The following MAPK4 variants were observed in gnomAD, a reference collection of about 807,000 sequenced individuals.
MAPK4 encodes the protein mitogen-activated protein kinase 4.
In MAPK4, 22 loss-of-function variants were observed where a neutral mutation model predicts 47.7. That is an observed-to-expected ratio of 0.46 (90% CI 0.33 to 0.66). MAPK4 has a LOEUF of 0.66. Among genes scored for constraint, MAPK4 ranks in the 30% least tolerant of loss-of-function variants. The pLI is 0.02. For missense variants in MAPK4, 736 were observed against 831.7 expected, an observed-to-expected ratio of 0.88 and a Z score of 1.42; for synonymous variants, 390 against 365.7, an observed-to-expected ratio of 1.07 and a Z score of -0.76.
chr18:50,587,714 T>C (rs2042400852), intron 1 of MAPK4, among the ~76,000 whole-genome samples: 1 of 152,160 alleles, frequency 6.6e-6, no homozygotes, highest in African/African-American at 2.4e-5. Context: ...TCTGTCTAGA[T>C]GGTCGATGAT....
chr18:50,588,191 C>T (rs959556633), intron 1 of MAPK4, among the ~76,000 whole-genome samples: 4 of 152,128 alleles, frequency 2.6e-5, no homozygotes, highest in African/African-American at 4.8e-5. Flanking sequence ...CTGGGAAGGG[C>T]GATTCTTCCG....
chr18:50,725,049 C>A (rs1247565301), intron 4 of MAPK4, among the ~76,000 whole-genome samples: 1 of 152,192 alleles, frequency 6.6e-6, no homozygotes, highest in Non-Finnish European at 1.5e-5. Flanking sequence ...GTGTGCAGAG[C>A]TGCTATCTGC....
chr18:50,664,491 A>G lies in MAPK4; in HGVS notation c.533A>G (p.His178Arg). Reference protein sequence around the residue: ...DFGLARIVDQHYSHKGYLSEG... With the variant: ...DFGLARIVDQRYSHKGYLSEG... ...GGGTTGGCAAGGATCGTTGATCAGC[A>G]TTACTCCCACAAGGTATGTCTGGCT... Residue 178 changes from histidine (H) to arginine (R), a missense_variant, in exon 2 of 6, where the codon CAT (histidine) becomes CGT (arginine). Physicochemically the swap from His to Arg is conservative, Grantham distance 29. Around this residue, in one of 3 missense-constraint regions of MAPK4, gnomAD observed 327 missense variants for 395.4 expected, o/e 0.83. Coordinates refer to ENST00000400384, the MANE Select transcript of MAPK4 (RefSeq NM_002747.4). The surrounding 1 kb of genome is among the most constrained non-coding windows in gnomAD (Gnocchi z 6.0). The G allele has an allele frequency of 6.3e-7, 1 of 1,594,282 alleles. No homozygotes were observed. Among genetic ancestry groups the G allele is most frequent in the Non-Finnish European group, 8.6e-7 (1 of 1,167,168 alleles).
At chr18:50,613,416 A>AT (rs2042657426) in intron 1 of MAPK4, among the ~76,000 whole-genome samples, 2 of 152,168 alleles carry the variant, frequency 1.3e-5, no homozygotes, top group South Asian at 4.1e-4. Context: ...CAGGAAATAA[A>AT]TTCTGCCAAC....
At chr18:50,706,576 G>C (rs1910069931) in intron 2 of MAPK4, among the ~76,000 whole-genome samples, 1 of 152,076 alleles carries the variant, frequency 6.6e-6, no homozygotes, top group Non-Finnish European at 1.5e-5. Context: ...TCTATTTGTG[G>C]CTTGACAGTT....
intron 2 of MAPK4, chr18:50,669,254 G>A (rs1160972654): frequency 6.6e-6 from 1 of 152,252 alleles, no homozygotes; most frequent in African/African-American, 2.4e-5. Flanking sequence ...CTGAAGGATT[G>A]GAGTGTGCTT....
At chr18:50,601,807 A>G (rs1450291909) in intron 1 of MAPK4, among the ~76,000 whole-genome samples, 1 of 152,182 alleles carries the variant, frequency 6.6e-6, no homozygotes, top group Non-Finnish European at 1.5e-5. Flanking sequence ...GCTGTGGGTC[A>G]CTGGGCACAT....
intron 1 of MAPK4, among the ~76,000 whole-genome samples, chr18:50,636,708 A>C (rs1293291075): frequency 6.6e-6 from 1 of 152,148 alleles, no homozygotes; most frequent in African/African-American, 2.4e-5. Flanking sequence ...TCTCCCCTGA[A>C]CTTTCCTAAA....
intron 1 of MAPK4, among the ~76,000 whole-genome samples, chr18:50,647,351 G>A (rs1406406491): frequency 3.3e-5 from 5 of 152,188 alleles, no homozygotes; most frequent in Non-Finnish European, 7.3e-5. Flanking sequence ...CTGAGGGAGG[G>A]AAGTTGAGAA....
intron 2 of MAPK4, among the ~76,000 whole-genome samples, chr18:50,672,684 C>A (rs1908025912): frequency 6.6e-6 from 1 of 152,182 alleles, no homozygotes; most frequent in Non-Finnish European, 1.5e-5. Context: ...AAGCACAAGC[C>A]TGGCCTGGGA....
At chr18:50,723,962 G>A (rs544875052) in intron 4 of MAPK4, among the ~76,000 whole-genome samples, 12 of 152,152 alleles carry the variant, frequency 7.9e-5, no homozygotes, top group African/African-American at 2.4e-4. Context: ...GGAGAGGGAA[G>A]AGCAGATTTT....
chr18:50,588,478 T>A (rs1470082613), intron 1 of MAPK4, among the ~76,000 whole-genome samples: 1 of 152,240 alleles, frequency 6.6e-6, no homozygotes, highest in Non-Finnish European at 1.5e-5. Flanking sequence ...GAGCATCATT[T>A]CTAGCACCTT....
In MAPK4 at chr18:50,609,532, G is replaced by A. The variant is rs552123148; in HGVS notation, c.-871+49289G>A. ...CAGTCAAGGAGATTTAAACACAGGT[G>A]TTTGTGACGAGAATGCACTCCTTCT... On this transcript the variant is annotated intron_variant, in intron 1 of 5. Transcript: ENST00000400384. Among the ~76,000 whole-genome samples the A allele has an allele frequency of 3.9e-5, 6 of 152,260 alleles. No individual in the cohort carries two copies. The South Asian group carries it at 1.2e-3, about 32-fold the overall frequency.
intron 4 of MAPK4, among the ~76,000 whole-genome samples, chr18:50,723,979 T>C (rs1444663286): frequency 6.6e-6 from 1 of 151,814 alleles, no homozygotes; most frequent in East Asian, 1.9e-4. Flanking sequence ...TTTTCATCCG[T>C]GATGGAGTCT....
chr18:50,579,659 C>T (rs957830367), intron 1 of MAPK4, among the ~76,000 whole-genome samples: 2 of 152,310 alleles, frequency 1.3e-5, no homozygotes, highest in Middle Eastern at 3.4e-3. Context: ...CCCCACCTCC[C>T]AGGCCTATTC....
chr18:50,632,964 A>AAAAACACAATGCTATT (rs58736832), intron 1 of MAPK4, among the ~76,000 whole-genome samples: 55,839 of 150,414 alleles, frequency 0.37, 10,572 homozygotes, highest in African/African-American at 0.46. Context: ...ACAATGCTAT[A>AAAAACACAATGCTATT]AAAACACAAT....
intron 2 of MAPK4, among the ~76,000 whole-genome samples, chr18:50,681,603 A>G (rs1186672142): frequency 1.3e-5 from 2 of 152,182 alleles, no homozygotes; most frequent in Non-Finnish European, 2.9e-5. Context: ...TATACATTGT[A>G]TGAGATAGGG....
intron 1 of MAPK4, among the ~76,000 whole-genome samples, chr18:50,637,404 A>C (rs2144171335): frequency 6.6e-6 from 1 of 152,290 alleles, no homozygotes; most frequent in East Asian, 1.9e-4. Flanking sequence ...GCCCAAAGCC[A>C]CTGAGCCAGG....
At chr18:50,607,351 A>T (rs1476634361) in intron 1 of MAPK4, among the ~76,000 whole-genome samples, 1 of 152,252 alleles carries the variant, frequency 6.6e-6, no homozygotes, top group African/African-American at 2.4e-5. Flanking sequence ...AGGAAGTAGG[A>T]TATGAGCCCA....
Sources: gnomAD v4.1 joint callset for allele counts (sites outside exome capture counted in the v4.1 genomes callset) on GRCh38, gnomAD v4.1.1 for gene constraint, gnomAD v4.1.1 regional missense constraint, Gnocchi (gnomAD v3.1) non-coding constraint, MANE v1.5 for transcripts, NCBI Gene and HGNC (gene_info 2026-07-23, HGNC 2026-07-21) for gene names.